The following CACNA1C variants were observed in gnomAD, a reference collection of about 807,000 sequenced individuals.
CACNA1C encodes the protein voltage-dependent L-type calcium channel subunit alpha-1C.
CACNA1C carries 30 observed loss-of-function variants against 229.0 expected under a neutral mutation model. The ratio of observed to expected loss-of-function variants is 0.13; its 90% CI spans 0.10 to 0.18. The LOEUF is 0.18. Ranked by LOEUF, CACNA1C falls within the 10% of genes least tolerant of loss-of-function variation. The probability of loss-of-function intolerance (pLI) is 1.00; values close to 1 mark genes in which losing one functional copy is unlikely to be tolerated. For synonymous variants in CACNA1C, 1,114 were observed against 1,132.5 expected (o/e 0.98, Z 0.33); for missense variants, 1,658 against 2,845.0 (o/e 0.58, Z 9.49).
chr12:2,325,915 T>C (rs1190911258), intron 3 of CACNA1C, among the ~76,000 whole-genome samples: 1 of 152,216 alleles, frequency 6.6e-6, no homozygotes, highest in Middle Eastern at 3.2e-3. Flanking sequence ...CAGCCGCTAC[T>C]GTGTGTGCGA....
chr12:1,994,022 T>TAA (rs113099365), intron 1 of CACNA1C, among the ~76,000 whole-genome samples: 4,255 of 152,362 alleles, frequency 0.028, 95 homozygotes, highest in Middle Eastern at 0.054. Context: ...TAAACCACTA[T>TAA]AAGTTTTTCT....
upstream of CACNA1C, among the ~76,000 whole-genome samples, chr12:2,049,710 T>C (rs528983538): frequency 9.2e-5 from 14 of 152,296 alleles, no homozygotes; most frequent in South Asian, 4.1e-4. Flanking sequence ...TGAAGACCTA[T>C]GGGAGATTCT....
chr12:2,510,187 A>G (rs1276892284), intron 8 of CACNA1C, among the ~76,000 whole-genome samples: 2 of 152,218 alleles, frequency 1.3e-5, no homozygotes, highest in Admixed American at 6.5e-5. Context: ...CCCTGGGCCC[A>G]GTGCAGACTG....
chr12:2,119,652 G>C (rs2085621601), intron 2 of CACNA1C, among the ~76,000 whole-genome samples: 1 of 152,148 alleles, frequency 6.6e-6, no homozygotes, highest in African/African-American at 2.4e-5. Context: ...TGCTGAAGCG[G>C]GACCTCTGCA....
At chr12:2,047,194 T>C (rs972511963) in intron 1 of CACNA1C, among the ~76,000 whole-genome samples, 5 of 152,252 alleles carry the variant, frequency 3.3e-5, no homozygotes. Flanking sequence ...TCTTAGCTAC[T>C]GTTTTGCACC....
At chr12:2,573,413 A>G (rs1291642089) in intron 13 of CACNA1C, among the ~76,000 whole-genome samples, 1 of 152,248 alleles carries the variant, frequency 6.6e-6, no homozygotes, top group Non-Finnish European at 1.5e-5. Flanking sequence ...GACTGAGAAA[A>G]CACATCAAGG....
intron 1 of CACNA1C, among the ~76,000 whole-genome samples, chr12:2,036,479 A>G (rs1020745259): frequency 4.6e-5 from 7 of 151,976 alleles, no homozygotes; most frequent in South Asian, 2.1e-4. Context: ...CCCCTTTCCT[A>G]TCTTTTTTTT....
chr12:2,206,763 A>G (rs1170325947), intron 3 of CACNA1C, among the ~76,000 whole-genome samples: 1 of 152,214 alleles, frequency 6.6e-6, no homozygotes, highest in African/African-American at 2.4e-5. Flanking sequence ...TATGCATGTA[A>G]TGGACCCATT....
At position 2,585,590 on chromosome 12, in the gene CACNA1C, A is replaced by T; in HGVS notation, c.2460+94A>T. 7.2e-7 allele frequency: 1 copy of T among 1,392,718 alleles called. No individual in the cohort carries two copies. The highest frequency in any genetic ancestry group is 9.6e-7 in the Non-Finnish European group (1 of 1,041,730). The allele number at this position is 1,392,718 out of a possible 1,614,324, so 86.3% of individuals were successfully genotyped here. ...GCCAGAACCCTGTGGAGAAGAGGAG[A>T]GAAAGAAAGACACCCAGTGGAAAGA... On this transcript the variant is annotated intron_variant, in intron 17 of 46. Coordinates refer to ENST00000399655, the MANE Select transcript of CACNA1C (RefSeq NM_000719.7). The surrounding 1 kb of genome is among the most constrained non-coding windows in gnomAD (Gnocchi z 4.1).
intron 1 of CACNA1C, among the ~76,000 whole-genome samples, chr12:2,010,573 T>C (rs1414171614): frequency 1.3e-5 from 2 of 152,190 alleles, no homozygotes; most frequent in Non-Finnish European, 2.9e-5. Flanking sequence ...GACCACTCTC[T>C]TTGCTTCTCT....
chr12:2,405,329 T>C (rs576695739), intron 3 of CACNA1C, among the ~76,000 whole-genome samples: 1 of 152,300 alleles, frequency 6.6e-6, no homozygotes, highest in Admixed American at 6.5e-5. Context: ...TTATCATATG[T>C]AGGTTCATGT....
At chr12:2,268,648 G>A (rs1338546547) in intron 3 of CACNA1C, among the ~76,000 whole-genome samples, 1 of 152,250 alleles carries the variant, frequency 6.6e-6, no homozygotes, top group East Asian at 1.9e-4. Flanking sequence ...AATGGACAGA[G>A]GAGTGTGGAC....
rs369421219 is a variant in CACNA1C, at chr12:2,685,761, C to T, written c.5599C>T (p.Arg1867Trp). ...GCTCTCCTACCAGGATGACGAAAAT[C>T]GGCAACTGACGCTCCCAGAGGAGGA... is the stretch of plus-strand genomic sequence containing the variant. Reference protein sequence around the residue: ...EMLSYQDDENRQLTLPEEDKR... With the variant: ...EMLSYQDDENWQLTLPEEDKR... The change falls in exon 44 of 47, where the codon CGG becomes TGG. Residue 1867 changes from arginine (R) to tryptophan (W), a missense_variant. Around this residue, in one of 20 missense-constraint regions of CACNA1C, gnomAD observed 590 missense variants for 700.8 expected, o/e 0.84. Transcript: ENST00000399655. 2.2e-5 allele frequency: 36 copies of T among 1,613,550 alleles called. No homozygotes were observed. In the Middle Eastern group the frequency reaches 4.9e-4, roughly 22 times the overall value.
chr12:2,255,833 A>AGTTTACAATCACACGACCCTGACCTTG (rs2077325740), intron 3 of CACNA1C, among the ~76,000 whole-genome samples: 2 of 22,980 alleles, frequency 8.7e-5, no homozygotes, highest in Non-Finnish European at 9.6e-5. Context: ...TCCTGACCTT[A>AGTTTACAATCACACGACCCTGACCTTG]CTAGTTTACA....
intron 3 of CACNA1C, among the ~76,000 whole-genome samples, chr12:2,163,746 A>G (rs957795937): frequency 2.0e-5 from 3 of 152,106 alleles, no homozygotes; most frequent in African/African-American, 7.2e-5. Context: ...TGGCGGCTGC[A>G]TGTGTTTCCC....
rs1163121221 is a variant in CACNA1C at position 2,602,819 on chromosome 12, T to C, written c.2960+859T>C. Among the ~76,000 whole-genome samples, 1 of 152,154 alleles carries C rather than the reference T, an allele frequency of 6.6e-6. No homozygotes were observed. Among genetic ancestry groups the C allele is most frequent in the Non-Finnish European group, 1.5e-5 (1 of 68,030 alleles). On this transcript the variant is annotated intron_variant, in intron 22 of 46. Transcript: ENST00000399655. This position sits in a 1 kb window ranked among gnomAD's most constrained non-coding sequence, Gnocchi z 4.4. The stretch of plus-strand genomic sequence containing the variant: ...TCTACCAAGTTCTAACAGCTGATAG[T>C]GTGAATCCTACACTTTAACTTTCAA...
chr12:2,246,531 G>A (rs1297162534), intron 3 of CACNA1C, among the ~76,000 whole-genome samples: 3 of 152,146 alleles, frequency 2.0e-5, no homozygotes, highest in Non-Finnish European at 1.5e-5. Context: ...AGGCACTCCT[G>A]TAACTGCTGG....
In CACNA1C at chr12:2,654,754, A is replaced by G. The variant is rs376752331; in HGVS notation, c.4141-393A>G. ...CCTAGCCTCAGATCACTCACTCCAC[A>G]TCACTCCAAAATGCAAGAACTAAAT... On this transcript the variant is annotated intron_variant, in intron 33 of 46. Coordinates refer to ENST00000399655, the MANE Select transcript of CACNA1C (RefSeq NM_000719.7). This position sits in a 1 kb window ranked among gnomAD's most constrained non-coding sequence, Gnocchi z 4.4. 6.6e-6 allele frequency among the ~76,000 whole-genome samples: 1 copy of G among 152,232 alleles called. No homozygotes were observed. Among genetic ancestry groups the G allele is most frequent in the Admixed American group, 6.5e-5 (1 of 15,290 alleles).
chr12:2,536,279 G>A (rs1177633085), intron 9 of CACNA1C, among the ~76,000 whole-genome samples: 1 of 152,214 alleles, frequency 6.6e-6, no homozygotes, highest in Non-Finnish European at 1.5e-5. Context: ...GCAAAGAACA[G>A]GGTGCAAACG....
Sources: allele counts gnomAD v4.1 joint callset (sites outside exome capture counted in the v4.1 genomes callset), GRCh38; gene constraint gnomAD v4.1.1; regional missense constraint gnomAD v4.1.1; non-coding constraint Gnocchi (gnomAD v3.1); transcripts MANE v1.5; gene names NCBI Gene and HGNC (gene_info 2026-07-23, HGNC 2026-07-21).